Variants in PIK3C3 observed in about 807,000 individuals in gnomAD.
The protein encoded by PIK3C3 is phosphatidylinositol 3-kinase catalytic subunit type 3, also known as PI3-kinase type 3.
In PIK3C3, 95 loss-of-function variants were observed where a neutral mutation model predicts 126.1. The ratio of observed to expected loss-of-function variants is 0.75; its 90% CI spans 0.64 to 0.89. PIK3C3 has a LOEUF of 0.89. Ranked by LOEUF, PIK3C3 falls within the 40% of genes least tolerant of loss-of-function variation. PIK3C3 has a pLI of 0.00. For synonymous variants in PIK3C3, 374 were observed against 360.0 expected (o/e 1.04, Z -0.44); for missense variants, 829 against 1,063.2 (o/e 0.78, Z 3.06).
intron 24 of PIK3C3, among the ~76,000 whole-genome samples, chr18:42,076,161 TGC>T (rs1986009845): frequency 2.1e-5 from 2 of 96,944 alleles, no homozygotes; most frequent in Non-Finnish European, 1.9e-5. Flanking sequence ...TATATATATA[TGC>T]ACATATATAT....
At chr18:42,068,431 C>A (rs1249438468) in intron 24 of PIK3C3, among the ~76,000 whole-genome samples, 1 of 152,088 alleles carries the variant, frequency 6.6e-6, no homozygotes, top group Non-Finnish European at 1.5e-5. Flanking sequence ...TTTCTTCAGC[C>A]CAGAAATCAA....
chr18:42,057,907 G>T lies in PIK3C3; in HGVS notation c.2288G>T (p.Gly763Val), dbSNP rs780528114. Residue 763 changes from glycine to valine, a missense_variant, in exon 22 of 25, where the codon GGA becomes GTA. Gly to Val is a moderately radical substitution (Grantham distance 109). Around this residue, in one of 4 missense-constraint regions of PIK3C3, gnomAD observed 196 missense variants for 312.8 expected, o/e 0.63. Transcript: ENST00000262039. The stretch of plus-strand genomic sequence containing the variant: ...GGCAAACTCTTCCACATAGACTTTG[G>T]ATATATTTTGGGTCGGGATCCAAAG... ...KTGKLFHIDFGYILGRDPKPL... is the reference protein window; with the variant it reads ...KTGKLFHIDFVYILGRDPKPL... 4 of 1,613,486 alleles carry T rather than the reference G, an allele frequency of 2.5e-6. No individual in the cohort carries two copies. Among genetic ancestry groups the T allele is most frequent in the Non-Finnish European group, 3.4e-6 (4 of 1,179,760 alleles).
At chr18:42,075,650 GT>G (rs1985945046) in intron 24 of PIK3C3, among the ~76,000 whole-genome samples, 1 of 150,866 alleles carries the variant, frequency 6.6e-6, no homozygotes, top group Admixed American at 6.6e-5. Flanking sequence ...AATATTTTGA[GT>G]CCCAGATCTA....
chr18:42,055,310 T>C (rs1402100316), intron 21 of PIK3C3, among the ~76,000 whole-genome samples: 8 of 152,140 alleles, frequency 5.3e-5, no homozygotes, highest in Non-Finnish European at 1.5e-5. Flanking sequence ...AAAACTATTA[T>C]TGAAAAATAT....
chr18:41,986,276 T>C (rs942849653), intron 4 of PIK3C3, among the ~76,000 whole-genome samples: 1 of 152,164 alleles, frequency 6.6e-6, no homozygotes, highest in African/African-American at 2.4e-5. Flanking sequence ...TCTCCATTCC[T>C]ATAGGAAGTA....
chr18:42,028,375 T>C (rs1039495282), intron 14 of PIK3C3, among the ~76,000 whole-genome samples: 2 of 152,240 alleles, frequency 1.3e-5, no homozygotes, highest in African/African-American at 2.4e-5. Context: ...TTAAAAGAGA[T>C]TTATTTTTCC....
chr18:42,076,167 TATATATATATGCAC>T (rs1466291999), intron 24 of PIK3C3, among the ~76,000 whole-genome samples: 77 of 112,210 alleles, frequency 6.9e-4, no homozygotes, highest in Non-Finnish European at 1.0e-3. Flanking sequence ...TATATGCACA[TATATATATATGCAC>T]ATATATATAT....
intron 16 of PIK3C3, 135 bp from the exon 17 acceptor site, chr18:42,037,557 T>C (rs1179306068): frequency 1.7e-5 from 12 of 689,528 alleles, no homozygotes; most frequent in Middle Eastern, 4.2e-4. Context: ...ATGTATCTCA[T>C]TGAAAACCCA....
chr18:42,013,520 C>A lies in PIK3C3; in HGVS notation c.1249C>A (p.Pro417Thr). 1.3e-6 allele frequency: 2 copies of A among 1,596,624 alleles called. No individual in the cohort carries two copies. The highest frequency in any genetic ancestry group is 1.7e-6 in the Non-Finnish European group (2 of 1,168,032). ...NFDDIKNGLE[P>T]TKKDSQSSVS... ...TGATGATATAAAGAATGGATTGGAA[C>A]CTACCAAGAAGGATAGTCAGAGTTC... Residue 417 changes from proline (P) to threonine (T), a missense_variant, in exon 11 of 25, where the codon CCT becomes ACT. By Grantham distance (38) the Pro-to-Thr change is conservative. Around this residue, in one of 4 missense-constraint regions of PIK3C3, gnomAD observed 256 missense variants for 291.0 expected, o/e 0.88. Transcript: ENST00000262039.
rs967202738 is a variant in PIK3C3, at chr18:42,082,393, A to G, written c.*1256A>G. ...CGGCGAGAGGGCAAGCATGTAATTAAGAGACACTCTAGAGGCATATGGAAT... is the reference window on the plus strand; with the variant it reads ...CGGCGAGAGGGCAAGCATGTAATTAGGAGACACTCTAGAGGCATATGGAAT... On this transcript the variant is annotated 3_prime_UTR_variant, in exon 25 of 25. Transcript: ENST00000262039. 2.0e-5 allele frequency: 3 copies of G among 152,204 alleles called. No homozygotes were observed. Among genetic ancestry groups the G allele is most frequent in the Non-Finnish European group, 4.4e-5 (3 of 68,040 alleles). 9.4% of individuals were successfully genotyped at this position (152,204 alleles called of 1,614,324 possible).
At chr18:42,013,360 A>T in intron 10 of PIK3C3, 82 bp from the exon 11 acceptor site, 1 of 831,958 alleles carries the variant, frequency 1.2e-6, no homozygotes, top group Non-Finnish European at 1.9e-6. Context: ...TAAAATGTTT[A>T]CTTGATATTT....
intron 3 of PIK3C3, 28 bp from the exon 4 acceptor site, chr18:41,970,299 C>G: frequency 6.2e-7 from 1 of 1,604,724 alleles, no homozygotes; most frequent in Non-Finnish European, 8.5e-7. Flanking sequence ...TAATTTACTT[C>G]TACCCTGAAC....
chr18:42,083,817 G>T lies in PIK3C3; in HGVS notation c.*2680G>T, dbSNP rs552399274. The T allele has an allele frequency of 6.6e-6, 1 of 152,232 alleles. No individual in the cohort carries two copies. Among genetic ancestry groups the T allele is most frequent in the East Asian group, 1.9e-4 (1 of 5,172 alleles). The allele number at this position is 152,232 out of a possible 1,614,324, so 9.4% of individuals were successfully genotyped here. ...GAGAGCAGAGTTGGGATTTGAAGTC[G>T]AGTTAGACCCCAGTGATCACAGTCT... is the stretch of plus-strand genomic sequence containing the variant. On this transcript the variant is annotated 3_prime_UTR_variant, in exon 25 of 25. Coordinates refer to ENST00000262039, the MANE Select transcript of PIK3C3 (RefSeq NM_002647.4).
At chr18:41,981,762 C>T (rs930825303) in intron 4 of PIK3C3, among the ~76,000 whole-genome samples, 3 of 151,108 alleles carry the variant, frequency 2.0e-5, no homozygotes, top group African/African-American at 7.3e-5. Flanking sequence ...GAGTTCGAGA[C>T]CAGCCTGGTC....
In PIK3C3 at chr18:42,020,680, T is replaced by G. The variant is rs200461418; in HGVS notation, c.1459T>G (p.Ser487Ala). The change falls in exon 13 of 25, where the codon TCA becomes GCA. Residue 487 changes from serine to alanine, a missense_variant. This residue lies in a region of PIK3C3 where 256 missense variants were observed against 291.0 expected (regional missense o/e 0.88). Coordinates refer to ENST00000262039, the MANE Select transcript of PIK3C3 (RefSeq NM_002647.4). ...CTTGATATCGAGAGCCTGCAAAAAC[T>G]CAACACTGGCTAATTATTTATACTG... ...TFLISRACKN[S>A]TLANYLYWYV... 185 of 1,601,304 alleles carry G rather than the reference T, an allele frequency of 1.2e-4. No individual in the cohort carries two copies. Among genetic ancestry groups the G allele is most frequent in the Non-Finnish European group, 1.6e-5 (19 of 1,169,512 alleles).
At chr18:42,006,860 CTTTTTTTTTT>C (rs71265065) in intron 10 of PIK3C3, among the ~76,000 whole-genome samples, 2 of 102,296 alleles carry the variant, frequency 2.0e-5, no homozygotes, top group African/African-American at 7.1e-5. Context: ...AAATCATATT[CTTTTTTTTTT>C]TTTTTTTTTT....
chr18:42,009,407 A>G (rs929360206), intron 10 of PIK3C3, among the ~76,000 whole-genome samples: 4 of 152,194 alleles, frequency 2.6e-5, no homozygotes, highest in African/African-American at 9.7e-5. Context: ...ATTCTGAACA[A>G]AAGAGAAATA....
chr18:42,007,773 A>G (rs1185985478), intron 10 of PIK3C3, among the ~76,000 whole-genome samples: 5 of 152,226 alleles, frequency 3.3e-5, no homozygotes, highest in Non-Finnish European at 5.9e-5. Flanking sequence ...GCATTATGGT[A>G]GCTGAAAAGC....
intron 22 of PIK3C3, among the ~76,000 whole-genome samples, chr18:42,062,807 A>G (rs539537283): frequency 8.5e-5 from 13 of 152,208 alleles, no homozygotes; most frequent in Admixed American, 3.3e-4. Context: ...CCTGCCTAAA[A>G]TCCTGTTCCT....
Sources: gnomAD v4.1 joint callset for allele counts (sites outside exome capture counted in the v4.1 genomes callset) on GRCh38, gnomAD v4.1.1 for gene constraint, gnomAD v4.1.1 regional missense constraint, MANE v1.5 for transcripts, NCBI Gene and HGNC (gene_info 2026-07-23, HGNC 2026-07-21) for gene names.